The following STK39 variants were observed in gnomAD, a reference collection of about 807,000 sequenced individuals.
STK39 encodes the protein serine/threonine kinase 39.
STK39 carries 20 observed loss-of-function variants against 77.8 expected under a neutral mutation model. The ratio of observed to expected loss-of-function variants is 0.26; its 90% CI spans 0.18 to 0.37. The LOEUF (loss-of-function observed/expected upper bound fraction) is 0.37. Among genes scored for constraint, STK39 ranks in the 10% least tolerant of loss-of-function variants. The pLI, the probability that STK39 is intolerant of heterozygous loss-of-function variation, is 1.00. For missense variants in STK39, 479 were observed against 656.5 expected, an observed-to-expected ratio of 0.73 and a Z score of 2.95; for synonymous variants, 246 against 234.1, an observed-to-expected ratio of 1.05 and a Z score of -0.47.
At chr2:168,104,612 A>C (rs1482863715) in intron 10 of STK39, among the ~76,000 whole-genome samples, 1 of 152,206 alleles carries the variant, frequency 6.6e-6, no homozygotes, top group Non-Finnish European at 1.5e-5. Context: ...TCAGAAAATG[A>C]GTGTAGGGGT....
At chr2:168,003,541 T>C (rs1412955884) in intron 16 of STK39, among the ~76,000 whole-genome samples, 1 of 152,244 alleles carries the variant, frequency 6.6e-6, no homozygotes, top group Non-Finnish European at 1.5e-5. Flanking sequence ...TCAAATAGGC[T>C]GCAGTGCCTT....
intron 10 of STK39, among the ~76,000 whole-genome samples, chr2:168,090,425 C>T (rs571501242): frequency 1.3e-5 from 2 of 152,178 alleles, no homozygotes; most frequent in South Asian, 4.1e-4. Flanking sequence ...ATGTCAGGAG[C>T]TAGTGACATT....
chr2:168,242,598 A>G (rs866129932), intron 1 of STK39, among the ~76,000 whole-genome samples: 2 of 133,014 alleles, frequency 1.5e-5, no homozygotes, highest in African/African-American at 5.8e-5. Context: ...TATATATATA[A>G]AGAGGCCAGG....
At chr2:168,219,032 A>C (rs1690095920) in intron 1 of STK39, among the ~76,000 whole-genome samples, 1 of 152,174 alleles carries the variant, frequency 6.6e-6, no homozygotes, top group Admixed American at 6.5e-5. Context: ...GAATCATATG[A>C]ATCAAGAATT....
At chr2:168,109,485 T>G (rs749442490) in intron 10 of STK39, among the ~76,000 whole-genome samples, 2 of 152,222 alleles carry the variant, frequency 1.3e-5, no homozygotes, top group Non-Finnish European at 2.9e-5. Context: ...CTCTGGGCTA[T>G]TTTCTTGAGT....
chr2:168,189,647 C>G (rs1228200091), intron 1 of STK39, among the ~76,000 whole-genome samples: 1 of 152,104 alleles, frequency 6.6e-6, no homozygotes, highest in African/African-American at 2.4e-5. Context: ...TCTAATTCAA[C>G]GTGATTAATA....
chr2:167,997,335 G>A (rs144805211), intron 16 of STK39, among the ~76,000 whole-genome samples: 23 of 152,028 alleles, frequency 1.5e-4, no homozygotes, highest in African/African-American at 5.3e-4. Flanking sequence ...TGACTGATAC[G>A]GTATTTTGTA....
chr2:167,983,840 GA>G (rs1387960429), intron 16 of STK39, among the ~76,000 whole-genome samples: 1 of 152,120 alleles, frequency 6.6e-6, no homozygotes, highest in East Asian at 1.9e-4. Flanking sequence ...ATCCCAACTT[GA>G]ATACACAAAG....
At chr2:168,070,048 G>T (rs1355111160) in intron 12 of STK39, among the ~76,000 whole-genome samples, 1 of 152,118 alleles carries the variant, frequency 6.6e-6, no homozygotes, top group African/African-American at 2.4e-5. Context: ...TTGACAAAAA[G>T]AGATTCCAAA....
intron 10 of STK39, among the ~76,000 whole-genome samples, chr2:168,095,737 C>A (rs1329153252): frequency 2.0e-5 from 3 of 150,622 alleles, no homozygotes; most frequent in Non-Finnish European, 2.9e-5. Context: ...CGCCATTATC[C>A]TGCTTCAGCC....
intron 1 of STK39, among the ~76,000 whole-genome samples, chr2:168,185,206 G>A (rs536932136): frequency 6.6e-6 from 1 of 152,156 alleles, no homozygotes; most frequent in African/African-American, 2.4e-5. Flanking sequence ...TGGAATAAGA[G>A]TTCTTAACAT....
At chr2:167,977,599 T>TGC (rs2105261908) in intron 16 of STK39, among the ~76,000 whole-genome samples, 1 of 150,596 alleles carries the variant, frequency 6.6e-6, no homozygotes, top group African/African-American at 2.4e-5. Flanking sequence ...ACAAAGGGGA[T>TGC]TGTTGAGTGG....
chr2:167,969,625 A>G (rs139360424), intron 16 of STK39, among the ~76,000 whole-genome samples: 56 of 152,306 alleles, frequency 3.7e-4, no homozygotes, highest in African/African-American at 1.3e-3. Flanking sequence ...ATCTCTGTAA[A>G]ACATTCATCT....
intron 3 of STK39, 70 bp downstream of exon 3, chr2:168,167,217 ATCTAAAGTCTTC>A: frequency 8.5e-7 from 1 of 1,174,522 alleles, no homozygotes; most frequent in African/African-American, 1.5e-5. Context: ...AAAGGATTCA[ATCTAAAGTCTTC>A]TCCAATATGC....
At chr2:168,190,679 C>T (rs989449145) in intron 1 of STK39, among the ~76,000 whole-genome samples, 1 of 152,116 alleles carries the variant, frequency 6.6e-6, no homozygotes, top group Non-Finnish European at 1.5e-5. Flanking sequence ...CCCACAACAG[C>T]CCTCGAAATC....
intron 16 of STK39, among the ~76,000 whole-genome samples, chr2:167,997,000 C>A (rs568592349): frequency 1.3e-5 from 2 of 150,328 alleles, no homozygotes; most frequent in South Asian, 4.3e-4. Flanking sequence ...AGGAGGTAAC[C>A]CTAGACTTAC....
rs191597308 is a variant in STK39 at position 168,110,327 on chromosome 2, G to T, written c.1089+19214C>A. On this transcript the variant is annotated intron_variant, in intron 10 of 17. Transcript: ENST00000355999. ...ATCTTACTGTAACCTAAAACTCCTGGACTCAAGCAATCCTCCTTCCTCAGC... is the reference window on the plus strand; with the variant it reads ...ATCTTACTGTAACCTAAAACTCCTGTACTCAAGCAATCCTCCTTCCTCAGC... Among the ~76,000 whole-genome samples, 211 of 152,262 alleles carry T rather than the reference G, an allele frequency of 1.4e-3. 1 individual carries two copies. Among genetic ancestry groups the T allele is most frequent in the Non-Finnish European group, 2.5e-3 (167 of 68,018 alleles).
At chr2:167,991,021 C>T (rs1278211477) in intron 16 of STK39, among the ~76,000 whole-genome samples, 3 of 152,184 alleles carry the variant, frequency 2.0e-5, no homozygotes, top group African/African-American at 4.8e-5. Flanking sequence ...GTGTAAATAG[C>T]TTCAATTTTA....
At chr2:168,213,233 C>T (rs1469644145) in intron 1 of STK39, among the ~76,000 whole-genome samples, 1 of 152,168 alleles carries the variant, frequency 6.6e-6, no homozygotes, top group Non-Finnish European at 1.5e-5. Context: ...AGTGCTAGAG[C>T]ACAAAACTAT....
Sources: gnomAD v4.1 joint callset for allele counts (sites outside exome capture counted in the v4.1 genomes callset) on GRCh38, gnomAD v4.1.1 for gene constraint, MANE v1.5 for transcripts, NCBI Gene and HGNC (gene_info 2026-07-23, HGNC 2026-07-21) for gene names.